The following XRCC1 variants were observed in gnomAD, a reference collection of about 807,000 sequenced individuals.
XRCC1 encodes X-ray repair cross complementing 1.
XRCC1 carries 52 observed loss-of-function variants against 83.3 expected under a neutral mutation model. The ratio of observed to expected loss-of-function variants is 0.62; its 90% CI spans 0.50 to 0.79. The LOEUF (loss-of-function observed/expected upper bound fraction) is 0.79, where lower values mean the gene tolerates loss of function less well. Ranked by LOEUF, XRCC1 falls within the 30% of genes least tolerant of loss-of-function variation. XRCC1 has a pLI of 0.00. For synonymous variants in XRCC1, 281 were observed against 312.6 expected, an observed-to-expected ratio of 0.90 and a Z score of 1.07; for missense variants, 793 against 823.5, an observed-to-expected ratio of 0.96 and a Z score of 0.45.
intron 3 of XRCC1, among the ~76,000 whole-genome samples, chr19:43,556,154 A>G (rs1972633554): frequency 6.6e-6 from 1 of 152,116 alleles, no homozygotes; most frequent in African/African-American, 2.4e-5. Context: ...TCCCAAAGCT[A>G]TAGAAGTACA....
chr19:43,544,091 A>T (rs2146040198), intron 15 of XRCC1, 53 bp downstream of exon 15: 1 of 1,465,856 alleles, frequency 6.8e-7, no homozygotes, highest in Non-Finnish European at 9.3e-7. Context: ...CAGGTCCCTG[A>T]GCGTTCCCTT....
At chr19:43,548,766 CAAAAA>C (rs60740505) in intron 10 of XRCC1, among the ~76,000 whole-genome samples, 5 of 64,594 alleles carry the variant, frequency 7.7e-5, no homozygotes, top group Admixed American at 7.1e-4. Context: ...CAAGAATGAT[CAAAAA>C]AAAAAAAAAA....
At chr19:43,556,569 C>T (rs1295777512) in intron 3 of XRCC1, among the ~76,000 whole-genome samples, 1 of 152,128 alleles carries the variant, frequency 6.6e-6, no homozygotes, top group Non-Finnish European at 1.5e-5. Flanking sequence ...TTTGGGAGGC[C>T]AAGGCAGGCG....
At chr19:43,563,067 G>T (rs1166334472) in intron 2 of XRCC1, among the ~76,000 whole-genome samples, 1 of 152,262 alleles carries the variant, frequency 6.6e-6, no homozygotes, top group East Asian at 1.9e-4. Flanking sequence ...AGAGGAGGAA[G>T]ATGGTGCTGG....
At position 43,554,678 on chromosome 19, in the gene XRCC1, C is replaced by G. The variant is rs752224292; in HGVS notation, c.382G>C (p.Val128Leu). 6.2e-7 allele frequency: 1 copy of G among 1,613,408 alleles called. No homozygotes were observed. Among genetic ancestry groups the G allele is most frequent in the Non-Finnish European group, 8.5e-7 (1 of 1,179,564 alleles). The change falls in exon 4 of 17, where the codon GTC becomes CTC. Residue 128 changes from valine (V) to leucine (L), a missense_variant. Transcript: ENST00000262887. ...TAGGGCTGGCTGCAAACAATTTTGA[C>G]CCGGTCCCAGCGCTTCTCGGCGGCT... ...RAAAEKRWDR[V>L]KIVCSQPYSK...
chr19:43,557,548 T>G (rs377761690), intron 3 of XRCC1, among the ~76,000 whole-genome samples: 11 of 151,812 alleles, frequency 7.2e-5, no homozygotes, highest in African/African-American at 2.7e-4. Flanking sequence ...TGACTATACT[T>G]GTTTATAAAA....
At chr19:43,572,096 G>A (rs1972811341) in intron 2 of XRCC1, among the ~76,000 whole-genome samples, 1 of 152,156 alleles carries the variant, frequency 6.6e-6, no homozygotes, top group African/African-American at 2.4e-5. Flanking sequence ...GGTTTACCAT[G>A]TTGGTGACCG....
At chr19:43,575,369 C>A (rs924172901) in intron 1 of XRCC1, 39 bp downstream of exon 1, 2 of 1,566,672 alleles carry the variant, frequency 1.3e-6, no homozygotes, top group Non-Finnish European at 1.7e-6. Context: ...CTCATTAATT[C>A]CCTCACGTCT....
intron 2 of XRCC1, among the ~76,000 whole-genome samples, chr19:43,571,633 A>G (rs896343467): frequency 6.6e-6 from 1 of 152,236 alleles, no homozygotes; most frequent in Non-Finnish European, 1.5e-5. Flanking sequence ...CCTCTGGAGT[A>G]GCTGGGACCA....
At chr19:43,551,746 CG>C in intron 9 of XRCC1, 59 bp from the exon 10 acceptor site, 1 of 1,317,450 alleles carries the variant, frequency 7.6e-7, no homozygotes, top group Non-Finnish European at 1.1e-6. Context: ...CAAAGGGGAA[CG>C]AGACAGGGGA....
Position 43,575,123 on chromosome 19 carries a change from G to A in XRCC1, c.52-121C>T, listed in dbSNP as rs567375082. On this transcript the variant is annotated intron_variant, in intron 1 of 16. Transcript: ENST00000262887. The stretch of plus-strand genomic sequence containing the variant: ...ACGACCCCCAGATTTAAGCTCTCCC[G>A]TTAATCCCCCGACACTCTGCCTGGA... 12 of 852,720 alleles carry A rather than the reference G, an allele frequency of 1.4e-5. No homozygotes were observed. The South Asian group carries it at 1.5e-4, about 11-fold the overall frequency. The allele number at this position is 852,720 out of a possible 1,614,324, so 52.8% of individuals were successfully genotyped here.
At chr19:43,551,251 AG>A (rs1182893698) in intron 10 of XRCC1, among the ~76,000 whole-genome samples, 1 of 152,220 alleles carries the variant, frequency 6.6e-6, no homozygotes, top group Non-Finnish European at 1.5e-5. Context: ...TACAGGCGTG[AG>A]CCACTGCACC....
chr19:43,554,437 A>G (rs935864901), intron 4 of XRCC1, among the ~76,000 whole-genome samples: 3 of 45,024 alleles, frequency 6.7e-5, no homozygotes, highest in East Asian at 7.2e-4. Flanking sequence ...GCTGCAGTTC[A>G]CCCTTCCTAG....
intron 14 of XRCC1, 26 bp downstream of exon 14, chr19:43,545,792 T>G: frequency 6.2e-7 from 1 of 1,611,892 alleles, no homozygotes; most frequent in East Asian, 2.2e-5. Flanking sequence ...AAATGCCACT[T>G]CAGGAGGGAT....
intron 2 of XRCC1, among the ~76,000 whole-genome samples, chr19:43,569,025 T>A (rs968654197): frequency 1.3e-5 from 2 of 149,992 alleles, no homozygotes; most frequent in African/African-American, 4.9e-5. Context: ...GCACCTATAG[T>A]CCTAGCTACT....
At chr19:43,545,731 A>C (rs1205568883) in intron 14 of XRCC1, 87 bp downstream of exon 14, 1 of 1,535,454 alleles carries the variant, frequency 6.5e-7, no homozygotes, top group Non-Finnish European at 8.9e-7. Flanking sequence ...CGGGGGCAGC[A>C]GTGACCCCAG....
At position 43,546,704 on chromosome 19, in the gene XRCC1, G is replaced by A. The variant is rs530258537; in HGVS notation, c.1317C>T (p.Pro439=). 5.0e-6 allele frequency: 8 copies of A among 1,609,724 alleles called. No homozygotes were observed. In the Admixed American group the frequency reaches 1.4e-4, roughly 28 times the overall value. ...PQKQPQTKTK[P]TQAAGPSSPQ... ...GTGAGCTGGGTCCAGCTGCCTGAGT[G>A]GGCTTGGTTTTGGTCTGGGGTTGCT... The change falls in exon 12 of 17, where the codon CCC becomes CCT. Residue 439 remains proline (P), a synonymous_variant. Transcript: ENST00000262887.
intron 3 of XRCC1, among the ~76,000 whole-genome samples, chr19:43,557,684 T>C (rs1370826807): frequency 6.7e-6 from 1 of 149,022 alleles, no homozygotes; most frequent in East Asian, 2.0e-4. Context: ...TCCGAGCTAC[T>C]TGGGAGGCTA....
At chr19:43,571,910 C>CT (rs1287448397) in intron 2 of XRCC1, among the ~76,000 whole-genome samples, 3 of 152,212 alleles carry the variant, frequency 2.0e-5, no homozygotes, top group Non-Finnish European at 4.4e-5. Context: ...AATCCATCAT[C>CT]TACTCCCGAG....
Sources: allele counts gnomAD v4.1 joint callset (sites outside exome capture counted in the v4.1 genomes callset), GRCh38; gene constraint gnomAD v4.1.1; transcripts MANE v1.5; gene names NCBI Gene and HGNC (gene_info 2026-07-23, HGNC 2026-07-21).